TGFB2: variants seen among roughly 807,000 people sequenced by gnomAD.
TGFB2 encodes transforming growth factor beta 2.
Under a neutral mutation model 42.7 loss-of-function variants are expected in TGFB2, and 13 were observed. That is an observed-to-expected ratio of 0.30 (90% CI 0.20 to 0.48). The LOEUF is 0.48. Ranked by LOEUF, TGFB2 falls within the 20% of genes least tolerant of loss-of-function variation. TGFB2 has a pLI of 0.99. For synonymous variants in TGFB2, 193 were observed against 193.6 expected (o/e 1.00, Z 0.03); for missense variants, 390 against 517.5 (o/e 0.75, Z 2.39).
At chr1:218,400,196 G>T (rs1403928596) in intron 1 of TGFB2, among the ~76,000 whole-genome samples, 4 of 151,258 alleles carry the variant, frequency 2.6e-5, no homozygotes, top group African/African-American at 9.7e-5. Context: ...TTTTCAATAT[G>T]AAAATATGGG....
chr1:218,397,160 C>T (rs1658543901), intron 1 of TGFB2, among the ~76,000 whole-genome samples: 1 of 151,438 alleles, frequency 6.6e-6, no homozygotes, highest in South Asian at 2.1e-4. Flanking sequence ...CCCAGCTACT[C>T]AGGAGGCTGA....
intron 1 of TGFB2, among the ~76,000 whole-genome samples, chr1:218,398,356 G>A (rs368881063): frequency 6.6e-6 from 1 of 152,194 alleles, no homozygotes; most frequent in Non-Finnish European, 1.5e-5. Context: ...CAGTTTTGTG[G>A]TGTAACCAAT....
At chr1:218,379,150 A>C (rs1429911666) in intron 1 of TGFB2, among the ~76,000 whole-genome samples, 1 of 73,034 alleles carries the variant, frequency 1.4e-5, no homozygotes, top group Admixed American at 1.4e-4. Context: ...TTTCTTTTTT[A>C]GAGACGGAGT....
Position 218,430,756 on chromosome 1 carries a change from A to T in TGFB2, c.511-3326A>T, listed in dbSNP as rs142224233. Among the ~76,000 whole-genome samples the T allele has an allele frequency of 7.5e-4, 115 of 152,346 alleles. 1 individual carries two copies. The highest frequency in any genetic ancestry group is 2.7e-3 in the African/African-American group (111 of 41,582). On this transcript the variant is annotated intron_variant, in intron 2 of 6. Coordinates refer to ENST00000366930, the MANE Select transcript of TGFB2 (RefSeq NM_003238.6). ...ACGATGTGATTAGAAGGTTTTCTAG[A>T]TAGTTCTGAAGCAAAATCATGAAGC...
intron 4 of TGFB2, among the ~76,000 whole-genome samples, chr1:218,435,467 G>T (rs1475313189): frequency 6.6e-6 from 1 of 152,114 alleles, no homozygotes; most frequent in Non-Finnish European, 1.5e-5. Flanking sequence ...ATTAGGTAAG[G>T]GTGACTTCTG....
At chr1:218,398,770 T>C (rs1034548915) in intron 1 of TGFB2, among the ~76,000 whole-genome samples, 1 of 152,056 alleles carries the variant, frequency 6.6e-6, no homozygotes, top group African/African-American at 2.4e-5. Context: ...GTATTTTTAG[T>C]AGAGACGGGG....
chr1:218,371,015 T>A (rs1165379961), intron 1 of TGFB2, among the ~76,000 whole-genome samples: 3 of 152,174 alleles, frequency 2.0e-5, no homozygotes, highest in African/African-American at 4.8e-5. Flanking sequence ...AAAAAAACTT[T>A]CTGGCTGGGC....
Position 218,442,237 on chromosome 1 carries a change from A to T in TGFB2, c.*875A>T, listed in dbSNP as rs1359531089. The T allele has an allele frequency of 6.6e-6, 1 of 152,100 alleles. No homozygotes were observed. The highest frequency in any genetic ancestry group is 1.5e-5 in the Non-Finnish European group (1 of 67,996). 9.4% of individuals were successfully genotyped at this position (152,100 alleles called of 1,614,324 possible). Reference sequence around the variant, plus strand: ...TGAAATGTTTTGACATGTACTGGTCAAACTTCAGACCTTAAAATATTGCTG... The same window carrying T: ...TGAAATGTTTTGACATGTACTGGTCTAACTTCAGACCTTAAAATATTGCTG... On this transcript the variant is annotated 3_prime_UTR_variant, in exon 7 of 7. Coordinates refer to ENST00000366930, the MANE Select transcript of TGFB2 (RefSeq NM_003238.6).
chr1:218,394,817 C>T (rs1658444006), intron 1 of TGFB2, among the ~76,000 whole-genome samples: 1 of 152,138 alleles, frequency 6.6e-6, no homozygotes, highest in South Asian at 2.1e-4. Flanking sequence ...AAATCCATAT[C>T]CAGTGTGCCA....
chr1:218,410,755 C>T (rs1659067835), intron 2 of TGFB2, among the ~76,000 whole-genome samples: 1 of 152,200 alleles, frequency 6.6e-6, no homozygotes, highest in African/African-American at 2.4e-5. Flanking sequence ...TGCATTCAAA[C>T]CCATGATAGT....
At chr1:218,350,160 C>T (rs899009556) in intron 1 of TGFB2, among the ~76,000 whole-genome samples, 2 of 152,198 alleles carry the variant, frequency 1.3e-5, no homozygotes, top group African/African-American at 4.8e-5. Flanking sequence ...AAATAATTGA[C>T]ATGTAAGAAT....
intron 1 of TGFB2, among the ~76,000 whole-genome samples, chr1:218,365,554 C>T (rs1292079145): frequency 6.6e-6 from 1 of 152,138 alleles, no homozygotes; most frequent in Non-Finnish European, 1.5e-5. Flanking sequence ...CACATAGATT[C>T]CCATAACAGT....
intron 1 of TGFB2, chr1:218,363,247 C>A (rs1657277000): frequency 1.8e-6 from 2 of 1,112,226 alleles, no homozygotes; most frequent in South Asian, 2.6e-5. Flanking sequence ...TCAATGAGTC[C>A]CTCTTCTACT....
chr1:218,386,786 C>A (rs1303172728), intron 1 of TGFB2, among the ~76,000 whole-genome samples: 5 of 152,184 alleles, frequency 3.3e-5, no homozygotes, highest in African/African-American at 1.2e-4. Context: ...ACCCTTTCCT[C>A]TTTGGCTGTC....
intron 6 of TGFB2, among the ~76,000 whole-genome samples, chr1:218,440,211 T>C (rs762875791): frequency 6.6e-5 from 10 of 152,206 alleles, no homozygotes; most frequent in Non-Finnish European, 1.0e-4. Context: ...TTGATTATGA[T>C]TGTGATTATG....
At chr1:218,389,270 C>T (rs1452339337) in intron 1 of TGFB2, among the ~76,000 whole-genome samples, 2 of 152,150 alleles carry the variant, frequency 1.3e-5, no homozygotes, top group Non-Finnish European at 2.9e-5. Context: ...TTTCCTTTTG[C>T]TTTGTGATAC....
intron 2 of TGFB2, among the ~76,000 whole-genome samples, chr1:218,407,997 T>C (rs562391947): frequency 6.2e-4 from 95 of 152,214 alleles, no homozygotes; most frequent in African/African-American, 2.3e-3. Context: ...CATGATTATA[T>C]CTCCTTTTTC....
intron 2 of TGFB2, among the ~76,000 whole-genome samples, chr1:218,414,891 A>G (rs960744422): frequency 3.3e-5 from 5 of 152,202 alleles, no homozygotes; most frequent in Admixed American, 6.5e-5. Flanking sequence ...TAGCTTGCCC[A>G]GGCCAGGCAG....
chr1:218,384,622 C>T (rs1186825125), intron 1 of TGFB2, among the ~76,000 whole-genome samples: 1 of 152,118 alleles, frequency 6.6e-6, no homozygotes, highest in Non-Finnish European at 1.5e-5. Context: ...AGGTCAGACC[C>T]AGCTGCTGTT....
Sources: gnomAD v4.1 joint callset for allele counts (sites outside exome capture counted in the v4.1 genomes callset) on GRCh38, gnomAD v4.1.1 for gene constraint, MANE v1.5 for transcripts, NCBI Gene and HGNC (gene_info 2026-07-23, HGNC 2026-07-21) for gene names.